ZNF254: variants seen among roughly 807,000 people sequenced by gnomAD.
The protein encoded by ZNF254 is zinc finger protein 254.
A neutral mutation model predicts 12.4 loss-of-function variants in ZNF254; 10 were observed. That is an observed-to-expected ratio of 0.80 (90% confidence interval 0.50 to 1.36). The LOEUF is 1.36. Among genes scored for constraint, ZNF254 ranks in the 40% most tolerant of loss-of-function variants. The pLI, the probability that ZNF254 is intolerant of heterozygous loss-of-function variation, is 0.00. For synonymous variants in ZNF254, 305 were observed against 253.4 expected, an observed-to-expected ratio of 1.20 and a Z score of -1.93; for missense variants, 996 against 763.9, an observed-to-expected ratio of 1.30 and a Z score of -3.58.
intron 1 of ZNF254, chr19:24,033,627 T>C (rs1969846686): frequency 2.5e-6 from 1 of 404,930 alleles, no homozygotes; most frequent in African/African-American, 2.1e-5. Flanking sequence ...AAAGGGTGAG[T>C]GTGCGGGGTT....
intron 3 of ZNF254, among the ~76,000 whole-genome samples, chr19:24,120,609 A>G (rs938163943): frequency 5.9e-5 from 9 of 151,998 alleles, no homozygotes; most frequent in Non-Finnish European, 8.8e-5. Context: ...GATGCTGTCC[A>G]GTATTATTTT....
upstream of ZNF254, among the ~76,000 whole-genome samples, chr19:24,082,238 A>G (rs76631801): frequency 3.9e-5 from 6 of 152,078 alleles, no homozygotes; most frequent in East Asian, 1.2e-3. Context: ...AAACATTGTA[A>G]CTATGGTAAA....
chr19:24,101,532 A>G (rs555738654), intron 1 of ZNF254, among the ~76,000 whole-genome samples: 2 of 152,352 alleles, frequency 1.3e-5, no homozygotes, highest in East Asian at 3.9e-4. Context: ...CTTAGGAGTG[A>G]GAGATCAAGG....
chr19:24,087,118 G>A (rs759705197), upstream of ZNF254: 221 of 620,490 alleles, frequency 3.6e-4, no homozygotes, highest in Non-Finnish European at 6.0e-4. Flanking sequence ...AACTAGGGAC[G>A]TTGGGCTGGG....
At chr19:24,091,234 C>T (rs1263277479) in intron 1 of ZNF254, among the ~76,000 whole-genome samples, 1 of 151,054 alleles carries the variant, frequency 6.6e-6, no homozygotes, top group Non-Finnish European at 1.5e-5. Context: ...CATCAACCAC[C>T]GTGCTTGGCC....
intron 3 of ZNF254, among the ~76,000 whole-genome samples, chr19:24,111,027 G>A (rs1222182214): frequency 6.6e-6 from 1 of 151,828 alleles, no homozygotes; most frequent in African/African-American, 2.4e-5. Context: ...ATGTATACAT[G>A]TGCCATGCTG....
chr19:24,105,920 T>A lies in ZNF254; in HGVS notation c.31-20T>A. The A allele has an allele frequency of 6.3e-7, 1 of 1,580,282 alleles. No individual in the cohort carries two copies. Among genetic ancestry groups the A allele is most frequent in the Non-Finnish European group, 8.6e-7 (1 of 1,159,276 alleles). On this transcript the variant is annotated intron_variant, in intron 1 of 3. Transcript: ENST00000357002. ...CCGATAGCCACTTTGTAAATATGTG[T>A]GTTTGTGTGTGTTTTCCAGGGACTG... is the stretch of plus-strand genomic sequence containing the variant.
chr19:24,113,695 C>T (rs1235286402), intron 3 of ZNF254, among the ~76,000 whole-genome samples: 1 of 152,082 alleles, frequency 6.6e-6, no homozygotes, highest in Non-Finnish European at 1.5e-5. Context: ...GGCAATTAGG[C>T]AGGAGAAGGA....
At chr19:24,088,118 G>A (rs1362438089) in intron 1 of ZNF254, among the ~76,000 whole-genome samples, 1 of 151,920 alleles carries the variant, frequency 6.6e-6, no homozygotes, top group Non-Finnish European at 1.5e-5. Context: ...ATGTTGGCCA[G>A]GCTGGTCTCC....
At chr19:24,040,067 A>G (rs1970101514) in intron 1 of ZNF254, among the ~76,000 whole-genome samples, 1 of 152,182 alleles carries the variant, frequency 6.6e-6, no homozygotes, top group Non-Finnish European at 1.5e-5. Flanking sequence ...AGAACACAAA[A>G]TAAGCCAGCA....
chr19:24,129,231 CAT>C lies in ZNF254; in HGVS notation c.*1254_*1255del, dbSNP rs780155880. ...TAATTTTAGTTAAAATTAAGTTAGT[CAT>C]ATGTTATTTTATTAATTGTACTTCT... On this transcript the variant is annotated 3_prime_UTR_variant, in exon 4 of 4. Transcript: ENST00000357002. 3.4e-4 allele frequency: 52 copies of C among 152,000 alleles called. No individual in the cohort carries two copies. Among genetic ancestry groups the C allele is most frequent in the Admixed American group, 1.7e-3 (26 of 15,248 alleles). The allele number at this position is 152,000 out of a possible 1,614,324, so 9.4% of individuals were successfully genotyped here.
At chr19:24,038,276 C>T (rs970981879) in intron 1 of ZNF254, among the ~76,000 whole-genome samples, 1 of 152,190 alleles carries the variant, frequency 6.6e-6, no homozygotes, top group Non-Finnish European at 1.5e-5. Flanking sequence ...AACTACCTCT[C>T]ATGAAGACAT....
chr19:24,054,004 C>T (rs1212871823), intron 2 of ZNF254, among the ~76,000 whole-genome samples: 1 of 152,178 alleles, frequency 6.6e-6, no homozygotes, highest in East Asian at 1.9e-4. Flanking sequence ...CGTCCATGAC[C>T]TAAAAGGTGA....
intron 1 of ZNF254, chr19:24,098,647 T>C (rs1355605695): frequency 6.6e-6 from 1 of 152,220 alleles, no homozygotes; most frequent in Admixed American, 6.5e-5. Context: ...ACTTGAGCAA[T>C]CTTATATCTA....
chr19:24,099,145 T>C (rs1013124784), intron 1 of ZNF254, among the ~76,000 whole-genome samples: 6 of 150,718 alleles, frequency 4.0e-5, no homozygotes, highest in Admixed American at 1.3e-4. Flanking sequence ...ACAGGTGCCC[T>C]CCACCATGCC....
chr19:24,108,819 C>T (rs377489696), intron 3 of ZNF254, among the ~76,000 whole-genome samples: 13 of 152,268 alleles, frequency 8.5e-5, no homozygotes, highest in South Asian at 4.1e-4. Flanking sequence ...ATATACATGT[C>T]GTGCCTGAAT....
At chr19:24,116,214 C>G (rs1302274373) in intron 3 of ZNF254, among the ~76,000 whole-genome samples, 1 of 151,700 alleles carries the variant, frequency 6.6e-6, no homozygotes, top group African/African-American at 2.4e-5. Flanking sequence ...GTGGCGTTCT[C>G]TGTATTTCCT....
At position 24,127,261 on chromosome 19, in the gene ZNF254, C is replaced by T. The variant is rs766120028; in HGVS notation, c.1261C>T (p.Leu421Phe). 6.8e-6 allele frequency: 11 copies of T among 1,613,226 alleles called. No individual in the cohort carries two copies. Among genetic ancestry groups the T allele is most frequent in the Middle Eastern group, 1.6e-4 (1 of 6,078 alleles). ...CAAAGGTTTTAATCGATCTTCAAAT[C>T]TTACTACACATAAGATAATTCATAC... ...CGKGFNRSSNLTTHKIIHTGE... is the reference protein window; with the variant it reads ...CGKGFNRSSNFTTHKIIHTGE... The change falls in exon 4 of 4, where the codon CTT becomes TTT. Residue 421 changes from leucine to phenylalanine, a missense_variant. By Grantham distance (22) the Leu-to-Phe change is conservative. Coordinates refer to ENST00000357002, the MANE Select transcript of ZNF254 (RefSeq NM_203282.4).
At chr19:24,116,325 A>G (rs1472770899) in intron 3 of ZNF254, among the ~76,000 whole-genome samples, 1 of 152,126 alleles carries the variant, frequency 6.6e-6, no homozygotes, top group Non-Finnish European at 1.5e-5. Context: ...CGTCACTTTC[A>G]GGTACACCAA....
Sources: gnomAD v4.1 joint callset for allele counts (sites outside exome capture counted in the v4.1 genomes callset) on GRCh38, gnomAD v4.1.1 for gene constraint, MANE v1.5 for transcripts, NCBI Gene and HGNC (gene_info 2026-07-23, HGNC 2026-07-21) for gene names.